The following TRIM67 variants were observed in gnomAD, a reference collection of about 807,000 sequenced individuals.
TRIM67 encodes tripartite motif containing 67, also known as tripartite motif-containing protein 67.
A neutral mutation model predicts 71.0 loss-of-function variants in TRIM67; 39 were observed. That is an observed-to-expected ratio of 0.55 (90% CI 0.43 to 0.72). TRIM67 has a LOEUF of 0.72. Among genes scored for constraint, TRIM67 ranks in the 30% least tolerant of loss-of-function variants. The pLI is 0.00. For missense variants in TRIM67, 973 were observed against 1,079.2 expected (o/e 0.90, Z 1.38); for synonymous variants, 481 against 473.9 (o/e 1.01, Z -0.19).
chr1:231,171,819 G>A (rs987003781), intron 1 of TRIM67, among the ~76,000 whole-genome samples: 2 of 152,188 alleles, frequency 1.3e-5, no homozygotes, highest in African/African-American at 4.8e-5. Flanking sequence ...ACAAGTCTGG[G>A]CATGGTGGTT....
At chr1:231,183,981 T>C (rs1279796925) in intron 1 of TRIM67, 1 of 152,202 alleles carries the variant, frequency 6.6e-6, no homozygotes, top group Non-Finnish European at 1.5e-5. Context: ...CTCAAGGAAC[T>C]ATGGAACAAA....
chr1:231,216,925 A>C lies in TRIM67; in HGVS notation c.*1485A>C, dbSNP rs917407252. 1.3e-5 allele frequency: 13 copies of C among 985,466 alleles called. No individual in the cohort carries two copies. Among genetic ancestry groups the C allele is most frequent in the Non-Finnish European group, 1.6e-5 (13 of 829,946 alleles). The allele number at this position is 985,466 out of a possible 1,614,324, so 61.0% of individuals were successfully genotyped here. On this transcript the variant is annotated 3_prime_UTR_variant, in exon 10 of 10. Coordinates refer to ENST00000366653, the MANE Select transcript of TRIM67 (RefSeq NM_001004342.5). ...GGTAGTAACATTTCTCTCTCCTTTT[A>C]AAAAGAATATATTTTGTCAAGCATT...
At chr1:231,164,754 A>C (rs1682404661) in intron 1 of TRIM67, among the ~76,000 whole-genome samples, 1 of 152,208 alleles carries the variant, frequency 6.6e-6, no homozygotes, top group South Asian at 2.1e-4. Context: ...TTGAGGAGGA[A>C]AATAAAGTAA....
chr1:231,183,632 C>CA lies in TRIM67; in HGVS notation c.1045-13733dup, dbSNP rs372263389. ...CCCATCCCTCCCTCCCAACAAAAAG[C>CA]AAAAAATATTGCTTTTTTCTTGAGC... On this transcript the variant is annotated intron_variant, in intron 1 of 9. Transcript: ENST00000366653. 2.3e-3 allele frequency among the ~76,000 whole-genome samples: 342 copies of CA among 151,942 alleles called. 3 individuals carry two copies. Among genetic ancestry groups the CA allele is most frequent in the African/African-American group, 7.7e-3 (321 of 41,434 alleles).
intron 1 of TRIM67, among the ~76,000 whole-genome samples, chr1:231,192,928 A>G (rs943146690): frequency 4.0e-5 from 6 of 151,896 alleles, no homozygotes; most frequent in Non-Finnish European, 4.4e-5. Context: ...CTTCAAAACC[A>G]CTCTGTTTTT....
At chr1:231,187,441 T>G (rs1314426324) in intron 1 of TRIM67, 2 of 1,225,374 alleles carry the variant, frequency 1.6e-6, no homozygotes, top group Non-Finnish European at 2.2e-6. Flanking sequence ...ATTTCTACTG[T>G]TCTGCCAACA....
intron 1 of TRIM67, among the ~76,000 whole-genome samples, chr1:231,174,091 A>T (rs1262732450): frequency 1.3e-5 from 2 of 149,294 alleles, no homozygotes; most frequent in Non-Finnish European, 3.0e-5. Context: ...CATATATTAG[A>T]TTGCTTGCTA....
chr1:231,181,242 G>A (rs1362094274), intron 1 of TRIM67, among the ~76,000 whole-genome samples: 1 of 152,198 alleles, frequency 6.6e-6, no homozygotes. Flanking sequence ...GGGATTACAG[G>A]CGTGAGCCAC....
intron 3 of TRIM67, 76 bp from the exon 4 acceptor site, chr1:231,200,072 G>T: frequency 1.7e-6 from 2 of 1,143,976 alleles, no homozygotes; most frequent in Non-Finnish European, 1.3e-6. Flanking sequence ...ATTGGCACTA[G>T]TTCTCTGACT....
chr1:231,190,829 A>T lies in TRIM67; in HGVS notation c.1045-6542A>T, dbSNP rs532876193. On this transcript the variant is annotated intron_variant, in intron 1 of 9. Coordinates refer to ENST00000366653, the MANE Select transcript of TRIM67 (RefSeq NM_001004342.5). ...ATTTCATGGGAGAAGGGTCTGCCCA[A>T]GTCTCCCTCTCAGGACCCTCCTTTG... Among the ~76,000 whole-genome samples, 8 of 152,180 alleles carry T rather than the reference A, an allele frequency of 5.3e-5. No individual in the cohort carries two copies. The East Asian group carries it at 1.6e-3, about 30-fold the overall frequency.
chr1:231,214,388 T>A (rs1295208483), intron 9 of TRIM67, among the ~76,000 whole-genome samples: 1 of 152,110 alleles, frequency 6.6e-6, no homozygotes, highest in Non-Finnish European at 1.5e-5. Flanking sequence ...CAAGGTCCTG[T>A]TTTGTGGCCC....
chr1:231,219,168 G>A lies in TRIM67; in HGVS notation c.*3728G>A. 1 of 985,486 alleles carries A rather than the reference G, an allele frequency of 1.0e-6. No individual in the cohort carries two copies. The highest frequency in any genetic ancestry group is 1.2e-6 in the Non-Finnish European group (1 of 830,062). 61.0% of individuals were successfully genotyped at this position (985,486 alleles called of 1,614,324 possible). The stretch of plus-strand genomic sequence containing the variant: ...AAAGAACACTGCTGCACAGCCCGTG[G>A]GGTGGCGCCAGGGTTTCTCAACCTC... On this transcript the variant is annotated 3_prime_UTR_variant, in exon 10 of 10. Coordinates refer to ENST00000366653, the MANE Select transcript of TRIM67 (RefSeq NM_001004342.5).
chr1:231,178,932 C>A (rs1044587328), intron 1 of TRIM67, among the ~76,000 whole-genome samples: 1 of 152,138 alleles, frequency 6.6e-6, no homozygotes, highest in African/African-American at 2.4e-5. Context: ...CCCTTGTGTC[C>A]TAGAGAGCCC....
At chr1:231,202,079 G>GGTGGAAGAGGAGGAA (rs1683546187) in intron 5 of TRIM67, among the ~76,000 whole-genome samples, 2 of 151,782 alleles carry the variant, frequency 1.3e-5, no homozygotes, top group East Asian at 1.9e-4. Flanking sequence ...AGGAGGAGGA[G>GGTGGAAGAGGAGGAA]GTGGTGGCTA....
rs1385142360 is a variant in TRIM67, at chr1:231,220,979, C to G, written c.*5539C>G. ...AGGTGCTTACTGGGTGAGACCCAGC[C>G]GGGGAAGCCTCTCCAACTCCTCCTA... On this transcript the variant is annotated 3_prime_UTR_variant, in exon 10 of 10. Transcript: ENST00000366653. The G allele has an allele frequency of 6.6e-6, 1 of 152,194 alleles. No homozygotes were observed. The highest frequency in any genetic ancestry group is 6.5e-5 in the Admixed American group (1 of 15,284). The allele number at this position is 152,194 out of a possible 1,614,324, so 9.4% of individuals were successfully genotyped here.
intron 1 of TRIM67, among the ~76,000 whole-genome samples, chr1:231,166,243 C>G (rs998532456): frequency 6.6e-6 from 1 of 152,176 alleles, no homozygotes; most frequent in South Asian, 2.1e-4. Context: ...CTTTTGTGAA[C>G]GCCTGTTTTC....
chr1:231,197,543 A>G (rs1683399883), intron 2 of TRIM67, 77 bp downstream of exon 2: 1 of 1,422,688 alleles, frequency 7.0e-7, no homozygotes, highest in Non-Finnish European at 9.9e-7. Flanking sequence ...AAGAAGAAAG[A>G]GGCGGGGCAC....
At chr1:231,207,356 C>G (rs1683734962) in intron 7 of TRIM67, among the ~76,000 whole-genome samples, 2 of 152,200 alleles carry the variant, frequency 1.3e-5, no homozygotes, top group Admixed American at 6.5e-5. Context: ...GAGCTCACAT[C>G]CAGTGATTTA....
chr1:231,208,978 G>A lies in TRIM67; in HGVS notation c.1851G>A (p.Gly617=), dbSNP rs761992190. The change falls in exon 8 of 10, where the codon GGG becomes GGA. Residue 617 remains glycine (G), a synonymous_variant. Coordinates refer to ENST00000366653, the MANE Select transcript of TRIM67 (RefSeq NM_001004342.5). ...VAWFTFDPNS[G]HRDIILSNDN... ...GGTTCACATTTGACCCCAACTCTGG[G>A]CATCGGGACATCATTTTATCCAATG... The A allele has an allele frequency of 6.2e-6, 10 of 1,600,568 alleles. No individual in the cohort carries two copies. Among genetic ancestry groups the A allele is most frequent in the Non-Finnish European group, 7.7e-6 (9 of 1,169,956 alleles).
Sources: gnomAD v4.1 joint callset for allele counts (sites outside exome capture counted in the v4.1 genomes callset) on GRCh38, gnomAD v4.1.1 for gene constraint, MANE v1.5 for transcripts, NCBI Gene and HGNC (gene_info 2026-07-23, HGNC 2026-07-21) for gene names.